The following DACH2 variants were observed in gnomAD, a reference collection of about 807,000 sequenced individuals.
DACH2 encodes dachshund family transcription factor 2.
In DACH2, 17 loss-of-function variants were observed where a neutral mutation model predicts 35.8. That is an observed-to-expected ratio of 0.48 (90% confidence interval 0.33 to 0.71). The LOEUF (loss-of-function observed/expected upper bound fraction) is 0.71, where lower values mean the gene tolerates loss of function less well. Ranked by LOEUF, DACH2 falls within the 30% of genes least tolerant of loss-of-function variation. The pLI is 0.02. For synonymous variants in DACH2, 195 were observed against 177.3 expected (o/e 1.10, Z -0.79); for missense variants, 469 against 472.7 (o/e 0.99, Z 0.07).
intron 3 of DACH2, among the ~76,000 whole-genome samples, chrX:86,516,202 A>G: frequency 8.9e-6 from 1 of 112,184 alleles, no homozygotes; most frequent in Non-Finnish European, 1.9e-5. Context: ...ACAACATCTG[A>G]AATATATCTT....
intron 1 of DACH2, among the ~76,000 whole-genome samples, chrX:86,261,516 C>A (rs1186516802): frequency 9.0e-6 from 1 of 111,528 alleles, no homozygotes; most frequent in African/African-American, 3.3e-5. Flanking sequence ...AAGAGTGAGG[C>A]AGGGATAAAG....
At chrX:86,751,304 A>C (rs2041770154) in intron 7 of DACH2, among the ~76,000 whole-genome samples, 1 of 111,258 alleles carries the variant, frequency 9.0e-6, no homozygotes, top group Non-Finnish European at 1.9e-5. Flanking sequence ...ATCCACGGAT[A>C]CAAGATTGGT....
At chrX:86,390,657 T>C (rs1437953221) in intron 2 of DACH2, among the ~76,000 whole-genome samples, 1 of 110,716 alleles carries the variant, frequency 9.0e-6, no homozygotes, top group African/African-American at 3.3e-5. Flanking sequence ...TGATGCGATC[T>C]CAGCTCACTG....
Position 86,149,125 on chromosome X carries a change from T to C in DACH2, c.488+17T>C. The C allele has an allele frequency of 8.6e-7, 1 of 1,165,711 alleles. No homozygotes were observed. The highest frequency in any genetic ancestry group is 3.0e-5 in the East Asian group (1 of 33,343). On this transcript the variant is annotated intron_variant, in intron 1 of 11. Coordinates refer to ENST00000373125, the MANE Select transcript of DACH2 (RefSeq NM_053281.3). ...CAATGCCAGGTGAGACACTCGTTTC[T>C]TGGCTCTCCCACTTCTCTTACCCCT...
chrX:86,536,422 G>A (rs1266513115), intron 3 of DACH2, among the ~76,000 whole-genome samples: 2 of 111,834 alleles, frequency 1.8e-5, no homozygotes, highest in Non-Finnish European at 3.8e-5. Flanking sequence ...TCTTATGGGG[G>A]AAATTTGCTC....
chrX:86,485,722 T>TA (rs780952398), intron 2 of DACH2, among the ~76,000 whole-genome samples: 13 of 111,227 alleles, frequency 1.2e-4, no homozygotes, highest in East Asian at 1.1e-3. Context: ...GTGATAAATA[T>TA]AAAAAAAACT....
chrX:86,160,347 C>T, intron 1 of DACH2: 3 of 901,313 alleles, frequency 3.3e-6, no homozygotes, highest in Non-Finnish European at 4.8e-6. Context: ...TCACAAACAC[C>T]AAAGTGACCC....
At position 86,832,411 on chromosome X, in the gene DACH2, T is replaced by C. The variant is rs754443536; in HGVS notation, c.*256T>C. ...AATGGCTAAAGTAACTTGACCATATTTGATGCTTTTCTATGCTCATTTCAA... is the reference window on the plus strand; with the variant it reads ...AATGGCTAAAGTAACTTGACCATATCTGATGCTTTTCTATGCTCATTTCAA... On this transcript the variant is annotated 3_prime_UTR_variant, in exon 12 of 12. Transcript: ENST00000373125. 1.6e-5 allele frequency: 5 copies of C among 320,667 alleles called. No individual in the cohort carries two copies. The South Asian group carries it at 2.1e-4, about 14-fold the overall frequency. The allele number at this position is 320,667 out of a possible 1,213,427, so 26.4% of individuals were successfully genotyped here.
intron 1 of DACH2, among the ~76,000 whole-genome samples, chrX:86,221,582 TA>T (rs2032712073): frequency 8.9e-6 from 1 of 112,312 alleles, no homozygotes; most frequent in South Asian, 3.7e-4. Flanking sequence ...TAGAATTTTT[TA>T]TCTCTATAAA....
chrX:86,614,831 A>G (rs1474900793), intron 3 of DACH2, among the ~76,000 whole-genome samples: 1 of 111,792 alleles, frequency 8.9e-6, no homozygotes, highest in Non-Finnish European at 1.9e-5. Flanking sequence ...TAATCCCAAA[A>G]GGCATTTTAG....
At chrX:86,703,520 C>A (rs1370612589) in intron 5 of DACH2, among the ~76,000 whole-genome samples, 1 of 111,424 alleles carries the variant, frequency 9.0e-6, no homozygotes, top group Non-Finnish European at 1.9e-5. Context: ...ACGTAGAAAA[C>A]CCTATAGACT....
At chrX:86,500,137 A>G (rs1295149386) in intron 2 of DACH2, among the ~76,000 whole-genome samples, 1 of 111,601 alleles carries the variant, frequency 9.0e-6, no homozygotes, top group Non-Finnish European at 1.9e-5. Flanking sequence ...ATATACATAT[A>G]CGTGCACTCA....
chrX:86,525,929 T>G lies in DACH2; in HGVS notation c.640+11538T>G, dbSNP rs141554158. Among the ~76,000 whole-genome samples, 851 of 112,064 alleles carry G rather than the reference T, an allele frequency of 7.6e-3. 11 individuals carry two copies. The highest frequency in any genetic ancestry group is 0.026 in the African/African-American group (817 of 30,877). ...AATTCACAAATTACATGAAATAAAATACACAAGTTTTCACCTACTACTTGT... is the reference window on the plus strand; with the variant it reads ...AATTCACAAATTACATGAAATAAAAGACACAAGTTTTCACCTACTACTTGT... On this transcript the variant is annotated intron_variant, in intron 3 of 11. Transcript: ENST00000373125.
intron 2 of DACH2, among the ~76,000 whole-genome samples, chrX:86,501,335 A>T (rs771365999): frequency 3.6e-5 from 4 of 111,713 alleles, no homozygotes; most frequent in African/African-American, 1.3e-4. Flanking sequence ...GCTGTCAAAG[A>T]GTTTACACTC....
At chrX:86,796,984 A>C (rs1195675459) in intron 7 of DACH2, among the ~76,000 whole-genome samples, 1 of 111,700 alleles carries the variant, frequency 9.0e-6, no homozygotes, top group Non-Finnish European at 1.9e-5. Flanking sequence ...TAACTGATGG[A>C]AATATAGAAC....
At chrX:86,342,350 A>T (rs1359458127) in intron 1 of DACH2, among the ~76,000 whole-genome samples, 1 of 110,585 alleles carries the variant, frequency 9.0e-6, no homozygotes, top group East Asian at 2.9e-4. Flanking sequence ...AAATAAAAAA[A>T]ATTAGCTGAG....
rs185494200 is a variant in DACH2 at position 86,307,446 on chromosome X, A to G, written c.489-69378A>G. On this transcript the variant is annotated intron_variant, in intron 1 of 11. Coordinates refer to ENST00000373125, the MANE Select transcript of DACH2 (RefSeq NM_053281.3). ...AATGGGGATGTGTGAGAAGACCCTG[A>G]TGAAGCTGGGGACACTGTGTTTGTA... Among the ~76,000 whole-genome samples, 325 of 111,782 alleles carry G rather than the reference A, an allele frequency of 2.9e-3. 1 individual carries two copies. Among genetic ancestry groups the G allele is most frequent in the Non-Finnish European group, 4.3e-3 (227 of 53,149 alleles).
At chrX:86,770,875 A>G (rs1308569165) in intron 7 of DACH2, among the ~76,000 whole-genome samples, 3 of 112,689 alleles carry the variant, frequency 2.7e-5, no homozygotes, top group Admixed American at 9.4e-5. Context: ...AATGCTATTA[A>G]GAAAAGGAAT....
At chrX:86,425,398 C>T (rs2036876115) in intron 2 of DACH2, among the ~76,000 whole-genome samples, 1 of 110,062 alleles carries the variant, frequency 9.1e-6, no homozygotes, top group Admixed American at 9.7e-5. Flanking sequence ...CTTCCTGGCT[C>T]GATCTTGGTA....
Sources: allele counts gnomAD v4.1 joint callset (sites outside exome capture counted in the v4.1 genomes callset), GRCh38; gene constraint gnomAD v4.1.1; transcripts MANE v1.5; gene names NCBI Gene and HGNC (gene_info 2026-07-23, HGNC 2026-07-21).